The following CSMD1 variants were observed in gnomAD, a reference collection of about 807,000 sequenced individuals.
CSMD1 encodes the protein CUB and Sushi multiple domains 1, also known as CUB and sushi domain-containing protein 1.
A neutral mutation model predicts 417.5 loss-of-function variants in CSMD1; 213 were observed. The observed-to-expected ratio is 0.51, with a 90% CI of 0.46 to 0.57. CSMD1 has a LOEUF of 0.57. CSMD1 is among the 20% of genes least tolerant of loss of function. The pLI is 0.00. For missense variants in CSMD1, 6,923 were observed against 4,529.7 expected (o/e 1.53, Z -15.17); for synonymous variants, 2,862 against 1,736.8 (o/e 1.65, Z -16.11).
At chr8:4,329,871 C>G (rs969518904) in intron 3 of CSMD1, among the ~76,000 whole-genome samples, 33 of 142,910 alleles carry the variant, frequency 2.3e-4, no homozygotes, top group Non-Finnish European at 1.9e-4. Context: ...CACACACACA[C>G]ACAGACACAC....
intron 3 of CSMD1, among the ~76,000 whole-genome samples, chr8:4,329,659 T>C (rs1479054095): frequency 6.6e-6 from 1 of 152,134 alleles, no homozygotes; most frequent in Non-Finnish European, 1.5e-5. Flanking sequence ...TTTGGATCTG[T>C]ATCCCCACCC....
intron 5 of CSMD1, among the ~76,000 whole-genome samples, chr8:3,992,415 T>G (rs1334418866): frequency 6.6e-6 from 1 of 152,004 alleles, no homozygotes; most frequent in Non-Finnish European, 1.5e-5. Flanking sequence ...TGGCTGAAGT[T>G]AAAACAAAAA....
chr8:4,805,455 G>A (rs1488674535), intron 1 of CSMD1, among the ~76,000 whole-genome samples: 2 of 152,100 alleles, frequency 1.3e-5, no homozygotes, highest in Non-Finnish European at 2.9e-5. Context: ...GGCTCAGTGG[G>A]TTGAGAAGCC....
At chr8:4,612,678 C>T (rs1801245199) in intron 2 of CSMD1, among the ~76,000 whole-genome samples, 1 of 152,156 alleles carries the variant, frequency 6.6e-6, no homozygotes, top group Non-Finnish European at 1.5e-5. Flanking sequence ...GCCACCCAAA[C>T]CTCACGCCAC....
In CSMD1 at chr8:3,729,922, T is replaced by TAAA. The variant is rs1160679199; in HGVS notation, c.932-21434_932-21432dup. 3.0e-4 allele frequency among the ~76,000 whole-genome samples: 14 copies of TAAA among 47,064 alleles called. 2 individuals carry two copies. The highest frequency in any genetic ancestry group is 1.9e-3 in the African/African-American group (14 of 7,318). 30.9% of individuals were successfully genotyped at this position (47,064 alleles called of 152,430 possible). A position where few individuals can be genotyped will look rare whatever the true frequency, so the allele number is the denominator to read the frequency against. ...AGAATTATTATTTGCCAATTCAAAGTAAAAAAAAAAAAAAAAAAAAAAAAA... is the reference window on the plus strand; with the variant it reads ...AGAATTATTATTTGCCAATTCAAAGTAAAAAAAAAAAAAAAAAAAAAAAAAAAA... On this transcript the variant is annotated intron_variant, in intron 6 of 69. Transcript: ENST00000635120.
intron 42 of CSMD1, among the ~76,000 whole-genome samples, chr8:3,115,336 G>A (rs1816800738): frequency 6.6e-6 from 1 of 151,786 alleles, no homozygotes; most frequent in Non-Finnish European, 1.5e-5. Flanking sequence ...CAGGTAGCTG[G>A]GATTACAGGT....
chr8:3,985,454 C>T (rs1289084055), intron 5 of CSMD1, among the ~76,000 whole-genome samples: 2 of 152,142 alleles, frequency 1.3e-5, no homozygotes, highest in Non-Finnish European at 2.9e-5. Context: ...TGGGCGTGCA[C>T]ACTCACACAT....
chr8:4,557,766 ATGGCACG>A (rs11278737), intron 2 of CSMD1, among the ~76,000 whole-genome samples: 15,070 of 152,164 alleles, frequency 0.099, 856 homozygotes, highest in African/African-American at 0.16. Context: ...CAGCATTAAG[ATGGCACG>A]TAAGTCTCCG....
chr8:3,754,796 C>T (rs374704641), intron 5 of CSMD1, among the ~76,000 whole-genome samples: 3 of 152,152 alleles, frequency 2.0e-5, no homozygotes, highest in East Asian at 1.9e-4. Flanking sequence ...TAGACGCCAA[C>T]AAACTGTTTC....
At chr8:3,764,612 A>T (rs1429548833) in intron 5 of CSMD1, among the ~76,000 whole-genome samples, 1 of 151,872 alleles carries the variant, frequency 6.6e-6, no homozygotes, top group Non-Finnish European at 1.5e-5. Context: ...TTCCTTGGAG[A>T]TGTGATATCC....
chr8:4,592,727 A>C (rs1800054839), intron 2 of CSMD1, among the ~76,000 whole-genome samples: 2 of 152,178 alleles, frequency 1.3e-5, no homozygotes, highest in Non-Finnish European at 2.9e-5. Flanking sequence ...AGCTCAATCC[A>C]AAATGTGTGC....
intron 5 of CSMD1, among the ~76,000 whole-genome samples, chr8:3,959,246 T>C (rs1173471810): frequency 6.6e-6 from 1 of 152,204 alleles, no homozygotes; most frequent in African/African-American, 2.4e-5. Flanking sequence ...ACGTGTGTAA[T>C]CCCAGCACTT....
intron 1 of CSMD1, among the ~76,000 whole-genome samples, chr8:4,796,917 G>A (rs914709634): frequency 1.3e-5 from 2 of 152,210 alleles, no homozygotes; most frequent in Admixed American, 6.5e-5. Context: ...TTAGGTCTCT[G>A]AGTGTGGCTG....
intron 3 of CSMD1, among the ~76,000 whole-genome samples, chr8:4,359,397 C>CA (rs1484396347): frequency 6.6e-6 from 1 of 152,172 alleles, no homozygotes; most frequent in Non-Finnish European, 1.5e-5. Flanking sequence ...CTCACAATAA[C>CA]ATATTAACTA....
intron 5 of CSMD1, among the ~76,000 whole-genome samples, chr8:3,861,793 C>T (rs1285783691): frequency 6.6e-6 from 1 of 152,170 alleles, no homozygotes; most frequent in Non-Finnish European, 1.5e-5. Context: ...ATCCTGTCTG[C>T]TTATCTTTCT....
At chr8:4,490,054 T>C (rs1801623636) in intron 2 of CSMD1, among the ~76,000 whole-genome samples, 2 of 151,576 alleles carry the variant, frequency 1.3e-5, no homozygotes, top group African/African-American at 4.9e-5. Context: ...TTTTTTTTTT[T>C]TTTTTCAGAC....
intron 5 of CSMD1, among the ~76,000 whole-genome samples, chr8:3,845,531 G>A (rs1365159257): frequency 6.6e-6 from 1 of 152,176 alleles, no homozygotes; most frequent in Non-Finnish European, 1.5e-5. Context: ...GGAGCTTGCA[G>A]GACCAGAAGT....
intron 3 of CSMD1, among the ~76,000 whole-genome samples, chr8:4,375,024 T>C (rs562646321): frequency 2.7e-5 from 4 of 146,486 alleles, no homozygotes; most frequent in African/African-American, 7.6e-5. Context: ...GGCAGGGAGC[T>C]AGAGCAATTT....
Position 3,118,493 on chromosome 8 carries a change from C to A in CSMD1, c.6336G>T (p.Glu2112Asp), listed in dbSNP as rs1266329557. ...CTATTAGAATGTACCCAGGATAACA[C>A]TCGAAAGATACTGATTGCCCCACGC... ...DYSVGQSVSFECYPGYILIGH... is the reference protein window; with the variant it reads ...DYSVGQSVSFDCYPGYILIGH... The change falls in exon 42 of 70, where the codon GAG (glutamate) becomes GAT (aspartate). Residue 2112 changes from glutamate to aspartate, a missense_variant. Physicochemically the swap from Glu to Asp is conservative, Grantham distance 45 (BLOSUM62 2). Transcript: ENST00000635120. 6.2e-7 allele frequency: 1 copy of A among 1,613,808 alleles called. No individual in the cohort carries two copies. Among genetic ancestry groups the A allele is most frequent in the Admixed American group, 1.7e-5 (1 of 60,004 alleles).
Sources: gnomAD v4.1 joint callset for allele counts (sites outside exome capture counted in the v4.1 genomes callset) on GRCh38, gnomAD v4.1.1 for gene constraint, MANE v1.5 for transcripts, NCBI Gene and HGNC (gene_info 2026-07-23, HGNC 2026-07-21) for gene names.